Variants in SLC25A13 observed in about 807,000 individuals in gnomAD.
The protein encoded by SLC25A13 is electrogenic aspartate/glutamate antiporter SLC25A13, mitochondrial.
A neutral mutation model predicts 85.5 loss-of-function variants in SLC25A13; 70 were observed. The ratio of observed to expected loss-of-function variants is 0.82; its 90% CI spans 0.68 to 1.00. The LOEUF is 1.00. Among genes scored for constraint, SLC25A13 ranks in the 50% least tolerant of loss-of-function variants. The probability of loss-of-function intolerance (pLI) is 0.00; values close to 1 mark genes in which losing one functional copy is unlikely to be tolerated. For synonymous variants in SLC25A13, 259 were observed against 288.7 expected, an observed-to-expected ratio of 0.90 and a Z score of 1.04; for missense variants, 765 against 819.8, an observed-to-expected ratio of 0.93 and a Z score of 0.82.
At chr7:96,286,041 T>C (rs549476564) in intron 2 of SLC25A13, among the ~76,000 whole-genome samples, 108 of 152,112 alleles carry the variant, frequency 7.1e-4, no homozygotes, top group African/African-American at 1.7e-3. Context: ...TCCCAGCACT[T>C]TGGGAGGCCA....
At chr7:96,304,761 CT>C (rs1184047571) in intron 1 of SLC25A13, among the ~76,000 whole-genome samples, 2 of 152,138 alleles carry the variant, frequency 1.3e-5, no homozygotes, top group Non-Finnish European at 2.9e-5. Context: ...ACACAATCAC[CT>C]ATGGGAAAGC....
chr7:96,216,518 A>G (rs1346352503), intron 4 of SLC25A13, among the ~76,000 whole-genome samples: 1 of 152,214 alleles, frequency 6.6e-6, no homozygotes, highest in Non-Finnish European at 1.5e-5. Context: ...TCAACGATAG[A>G]GTGGATAAAA....
chr7:96,272,815 G>T (rs377149063), intron 3 of SLC25A13, among the ~76,000 whole-genome samples: 1 of 152,242 alleles, frequency 6.6e-6, no homozygotes, highest in East Asian at 1.9e-4. Flanking sequence ...AAGGAATGTT[G>T]GACAATATAT....
At chr7:96,208,652 C>T (rs1291224815) in intron 5 of SLC25A13, among the ~76,000 whole-genome samples, 186 bp downstream of exon 5, 8 of 152,024 alleles carry the variant, frequency 5.3e-5, no homozygotes, top group Non-Finnish European at 1.2e-4. Flanking sequence ...ACCACAGGCG[C>T]CGGCCACCAC....
chr7:96,243,804 C>G (rs778333801), intron 3 of SLC25A13, among the ~76,000 whole-genome samples: 1 of 151,948 alleles, frequency 6.6e-6, no homozygotes, highest in Non-Finnish European at 1.5e-5. Context: ...AGGGAGACCT[C>G]GAGCAGCTGG....
chr7:96,170,008 A>G, intron 13 of SLC25A13, 37 bp downstream of exon 13: 1 of 1,590,622 alleles, frequency 6.3e-7, no homozygotes, highest in Non-Finnish European at 8.6e-7. Context: ...ATGTGAAACA[A>G]GTCTTTTCAA....
intron 9 of SLC25A13, among the ~76,000 whole-genome samples, chr7:96,188,504 G>A (rs1406657277): frequency 2.6e-5 from 4 of 152,196 alleles, no homozygotes. Flanking sequence ...AAGTCTCACA[G>A]GATTCAGAGA....
Position 96,208,726 on chromosome 7 carries a change from C to T in SLC25A13, c.468+112G>A, listed in dbSNP as rs750802556. The T allele has an allele frequency of 2.4e-5, 30 of 1,226,088 alleles. No homozygotes were observed. In the East Asian group the frequency reaches 3.4e-4, roughly 14 times the overall value. 76.0% of individuals were successfully genotyped at this position (1,226,088 alleles called of 1,614,324 possible). A position where few individuals can be genotyped will look rare whatever the true frequency, so the allele number is the denominator to read the frequency against. ...TTCACCATGTTGGCCAGGATGGTCT[C>T]GATCTCCTGACCTCGTCATCCGCCC... On this transcript the variant is annotated intron_variant, in intron 5 of 17. Transcript: ENST00000265631.
intron 3 of SLC25A13, among the ~76,000 whole-genome samples, chr7:96,258,247 G>T (rs932923988): frequency 6.6e-6 from 1 of 152,080 alleles, no homozygotes; most frequent in African/African-American, 2.4e-5. Flanking sequence ...AGAAATAAAG[G>T]GTATTTAAAT....
intron 1 of SLC25A13, among the ~76,000 whole-genome samples, chr7:96,308,055 A>C (rs1799820332): frequency 6.6e-6 from 1 of 150,460 alleles, no homozygotes; most frequent in Admixed American, 6.6e-5. Context: ...CGGGAGGCTG[A>C]GGTAGGAGAA....
At chr7:96,201,132 C>T (rs1161789545) in intron 5 of SLC25A13, among the ~76,000 whole-genome samples, 1 of 152,124 alleles carries the variant, frequency 6.6e-6, no homozygotes, top group Non-Finnish European at 1.5e-5. Flanking sequence ...ACATCACAGA[C>T]CCCACCTGAT....
At chr7:96,193,321 C>T (rs1584436453) in intron 5 of SLC25A13, 138 bp from the exon 6 acceptor site, 3 of 1,002,840 alleles carry the variant, frequency 3.0e-6, no homozygotes, top group Non-Finnish European at 4.4e-6. Context: ...CCTAATAGCA[C>T]CACCAAGCTA....
intron 4 of SLC25A13, among the ~76,000 whole-genome samples, chr7:96,226,455 A>C (rs1796331847): frequency 6.6e-6 from 1 of 152,170 alleles, no homozygotes; most frequent in Non-Finnish European, 1.5e-5. Context: ...GCTGCGATGA[A>C]CATGAGAGTT....
intron 2 of SLC25A13, among the ~76,000 whole-genome samples, chr7:96,288,627 G>A (rs116025458): frequency 0.014 from 2,061 of 152,302 alleles, 43 homozygotes; most frequent in African/African-American, 0.047. Context: ...AATATATCCT[G>A]CGCCTCGCTC....
rs766032232 is a variant in SLC25A13 at position 96,234,715 on chromosome 7, A to T, written c.328+87T>A. 3.1e-6 allele frequency: 3 copies of T among 979,496 alleles called. No homozygotes were observed. The African/African-American group carries it at 4.9e-5, about 16-fold the overall frequency. 60.7% of individuals were successfully genotyped at this position (979,496 alleles called of 1,614,324 possible). On this transcript the variant is annotated intron_variant, in intron 4 of 17. Coordinates refer to ENST00000265631, the MANE Select transcript of SLC25A13 (RefSeq NM_014251.3). Reference sequence around the variant, plus strand: ...TATCTTCTATAAAGAATTTCCATACACTTTATTTTGTTCCTAGAAAAAAAA... The same window carrying T: ...TATCTTCTATAAAGAATTTCCATACTCTTTATTTTGTTCCTAGAAAAAAAA...
intron 1 of SLC25A13, among the ~76,000 whole-genome samples, chr7:96,303,035 A>G (rs1002713487): frequency 2.0e-5 from 3 of 152,208 alleles, no homozygotes; most frequent in Admixed American, 2.0e-4. Context: ...CCCAAACCAT[A>G]CCAAAGGTCA....
At chr7:96,305,457 C>T (rs1799709675) in intron 1 of SLC25A13, among the ~76,000 whole-genome samples, 1 of 152,194 alleles carries the variant, frequency 6.6e-6, no homozygotes, top group South Asian at 2.1e-4. Context: ...TGAATTCAGT[C>T]TCAATTTTTG....
intron 11 of SLC25A13, among the ~76,000 whole-genome samples, chr7:96,178,187 A>T (rs890734539): frequency 6.6e-6 from 1 of 152,320 alleles, no homozygotes; most frequent in Admixed American, 6.5e-5. Flanking sequence ...GAGCAGGAAT[A>T]TACTGGGAAG....
At chr7:96,282,773 G>A (rs1231362105) in intron 2 of SLC25A13, among the ~76,000 whole-genome samples, 1 of 152,068 alleles carries the variant, frequency 6.6e-6, no homozygotes, top group Non-Finnish European at 1.5e-5. Context: ...TTATGTGGGT[G>A]TTTACTATTC....
Sources: allele counts gnomAD v4.1 joint callset (sites outside exome capture counted in the v4.1 genomes callset), GRCh38; gene constraint gnomAD v4.1.1; transcripts MANE v1.5; gene names NCBI Gene and HGNC (gene_info 2026-07-23, HGNC 2026-07-21).